RBFOX1: variants seen among roughly 807,000 people sequenced by gnomAD.
The protein encoded by RBFOX1 is RNA binding fox-1 homolog 1.
RBFOX1 carries 8 observed loss-of-function variants against 57.7 expected under a neutral mutation model. The ratio of observed to expected loss-of-function variants is 0.14; its 90% CI spans 0.08 to 0.25. The LOEUF is 0.25. Ranked by LOEUF, RBFOX1 falls within the 10% of genes least tolerant of loss-of-function variation. The probability of loss-of-function intolerance (pLI) is 1.00; values close to 1 mark genes in which losing one functional copy is unlikely to be tolerated. For missense variants in RBFOX1, 611 were observed against 548.5 expected (o/e 1.11, Z -1.14); for synonymous variants, 326 against 222.4 (o/e 1.47, Z -4.15).
At chr16:7,089,663 G>A (rs2060505856) in intron 4 of RBFOX1, among the ~76,000 whole-genome samples, 1 of 152,146 alleles carries the variant, frequency 6.6e-6, no homozygotes, top group African/African-American at 2.4e-5. Flanking sequence ...GCAACTCAAA[G>A]CAGAGGAAAA....
At chr16:6,385,200 C>G (rs898613556) in intron 2 of RBFOX1, among the ~76,000 whole-genome samples, 1 of 152,132 alleles carries the variant, frequency 6.6e-6, no homozygotes, top group East Asian at 1.9e-4. Context: ...GCTGGTTGAG[C>G]CAAGCTTTTT....
At chr16:5,620,323 A>C (rs1319744560) in intron 3 of RBFOX1, among the ~76,000 whole-genome samples, 1 of 152,154 alleles carries the variant, frequency 6.6e-6, no homozygotes, top group Non-Finnish European at 1.5e-5. Context: ...GCATCTCTAC[A>C]CATGGTGTGG....
rs2093120455 is a variant in RBFOX1, at chr16:7,226,358, C to A, written c.27+174260C>A. Among the ~76,000 whole-genome samples, 3 of 152,112 alleles carry A rather than the reference C, an allele frequency of 2.0e-5. 1 individual carries two copies. The South Asian group carries it at 6.2e-4, about 32-fold the overall frequency. On this transcript the variant is annotated intron_variant, in intron 4 of 15. Transcript: ENST00000550418. ...AAGAAGTGCAGTGTGTAATGCCCAC[C>A]TGAAGAGGGAAGGAATTTCCAGCAG...
intron 3 of RBFOX1, among the ~76,000 whole-genome samples, chr16:6,700,386 C>T (rs1338975001): frequency 1.3e-5 from 2 of 151,818 alleles, no homozygotes; most frequent in Non-Finnish European, 2.9e-5. Context: ...GACCAGGTGT[C>T]ATGTCTCACA....
At chr16:6,516,326 G>A (rs972111119) in intron 2 of RBFOX1, among the ~76,000 whole-genome samples, 12 of 152,146 alleles carry the variant, frequency 7.9e-5, no homozygotes, top group Admixed American at 5.9e-4. Context: ...GTTTAGATAA[G>A]CTGCTATCTA....
intron 1 of RBFOX1, among the ~76,000 whole-genome samples, chr16:6,162,402 A>G (rs1243966435): frequency 1.3e-5 from 2 of 152,170 alleles, no homozygotes; most frequent in African/African-American, 4.8e-5. Flanking sequence ...GTCGTGAGCC[A>G]CTGCACCTGG....
chr16:5,632,047 C>G (rs2048527559), intron 3 of RBFOX1, among the ~76,000 whole-genome samples: 1 of 152,158 alleles, frequency 6.6e-6, no homozygotes, highest in African/African-American at 2.4e-5. Flanking sequence ...TTTTCCAGTC[C>G]TACTTAAGCT....
chr16:7,413,461 C>G (rs1400203805), intron 4 of RBFOX1, among the ~76,000 whole-genome samples: 1 of 152,138 alleles, frequency 6.6e-6, no homozygotes, highest in Non-Finnish European at 1.5e-5. Flanking sequence ...CTTTGCATTT[C>G]TCACAAGATC....
At chr16:6,845,354 G>A (rs774815213) in intron 3 of RBFOX1, among the ~76,000 whole-genome samples, 1 of 150,874 alleles carries the variant, frequency 6.6e-6, no homozygotes, top group African/African-American at 2.4e-5. Flanking sequence ...GTTAATTTTT[G>A]TGTATTGTGT....
At chr16:7,142,040 C>G (rs937983708) in intron 4 of RBFOX1, among the ~76,000 whole-genome samples, 9 of 151,372 alleles carry the variant, frequency 5.9e-5, no homozygotes, top group Non-Finnish European at 1.3e-4. Flanking sequence ...TTCTTTTTAT[C>G]TGAGACAGGG....
chr16:6,576,933 G>C (rs2097447603), intron 2 of RBFOX1: 1 of 152,180 alleles, frequency 6.6e-6, no homozygotes, highest in South Asian at 2.1e-4. Flanking sequence ...AACCTGTAAA[G>C]AACCACCCAT....
At chr16:6,641,816 G>C (rs752074701) in intron 2 of RBFOX1, among the ~76,000 whole-genome samples, 8 of 146,934 alleles carry the variant, frequency 5.4e-5, no homozygotes, top group Non-Finnish European at 1.2e-4. Context: ...TGGCCTTGTT[G>C]CTCTGGGACT....
At chr16:7,420,617 T>G (rs1009407750) in intron 4 of RBFOX1, among the ~76,000 whole-genome samples, 1 of 152,090 alleles carries the variant, frequency 6.6e-6, no homozygotes, top group Admixed American at 6.6e-5. Flanking sequence ...ATGATTTTTT[T>G]TCCTTCTGAC....
chr16:7,434,474 T>TA (rs908919504), intron 4 of RBFOX1, among the ~76,000 whole-genome samples: 5 of 150,168 alleles, frequency 3.3e-5, no homozygotes, highest in South Asian at 4.3e-4. Flanking sequence ...TCTGTCTCGT[T>TA]AAAATAAATA....
chr16:5,918,645 A>G (rs1331161215), intron 4 of RBFOX1, among the ~76,000 whole-genome samples: 1 of 152,224 alleles, frequency 6.6e-6, no homozygotes, highest in Non-Finnish European at 1.5e-5. Flanking sequence ...AGTGAGCTGT[A>G]GGCATTCCTT....
rs377641214 is a variant in RBFOX1, at chr16:6,693,363, C to T, written c.-16+38713C>T. 2.4e-4 allele frequency among the ~76,000 whole-genome samples: 37 copies of T among 151,846 alleles called. 1 individual carries two copies. In the East Asian group the frequency reaches 5.1e-3, roughly 21 times the overall value. On this transcript the variant is annotated intron_variant, in intron 3 of 15. Coordinates refer to ENST00000550418, the MANE Select transcript of RBFOX1 (RefSeq NM_018723.4). Reference sequence around the variant, plus strand: ...TCTCCACTAGCATCACCGCCATCATCATCAACATCATCCTACTCCACTAGA... The same window carrying T: ...TCTCCACTAGCATCACCGCCATCATTATCAACATCATCCTACTCCACTAGA...
At chr16:6,938,539 G>C (rs111753433) in intron 3 of RBFOX1, among the ~76,000 whole-genome samples, 3 of 150,256 alleles carry the variant, frequency 2.0e-5, no homozygotes, top group African/African-American at 7.4e-5. Flanking sequence ...TAACATTCTA[G>C]CATTACCAGA....
chr16:6,395,233 T>C (rs1344619709), intron 2 of RBFOX1, among the ~76,000 whole-genome samples: 1 of 152,206 alleles, frequency 6.6e-6, no homozygotes, highest in Non-Finnish European at 1.5e-5. Flanking sequence ...AAATAAAAAG[T>C]TCTGACCATT....
intron 3 of RBFOX1, among the ~76,000 whole-genome samples, chr16:6,983,359 G>T (rs2089453846): frequency 2.6e-5 from 4 of 151,972 alleles, no homozygotes; most frequent in South Asian, 2.1e-4. Flanking sequence ...AATTATTGGT[G>T]GGGGGTGGTC....
Sources: allele counts gnomAD v4.1 joint callset (sites outside exome capture counted in the v4.1 genomes callset), GRCh38; gene constraint gnomAD v4.1.1; transcripts MANE v1.5; gene names NCBI Gene and HGNC (gene_info 2026-07-23, HGNC 2026-07-21).